MEF2A: variants seen among roughly 807,000 people sequenced by gnomAD.
MEF2A encodes myocyte enhancer factor 2A.
In MEF2A, 28 loss-of-function variants were observed where a neutral mutation model predicts 55.8. That is an observed-to-expected ratio of 0.50 (90% CI 0.37 to 0.69). MEF2A has a LOEUF of 0.69. Among genes scored for constraint, MEF2A ranks in the 30% least tolerant of loss-of-function variants. The pLI is 0.00. For missense variants in MEF2A, 528 were observed against 626.2 expected (o/e 0.84, Z 1.67); for synonymous variants, 239 against 227.1 (o/e 1.05, Z -0.47).
intron 2 of MEF2A, among the ~76,000 whole-genome samples, chr15:99,604,270 C>T (rs1974303887): frequency 6.6e-6 from 1 of 152,052 alleles, no homozygotes; most frequent in African/African-American, 2.4e-5. Context: ...TTTGTTTCCC[C>T]TGTAATTTTA....
intron 5 of MEF2A, 103 bp downstream of exon 5, chr15:99,671,557 C>T (rs1374499801): frequency 1.2e-6 from 2 of 1,612,870 alleles, no homozygotes; most frequent in Non-Finnish European, 1.7e-6. Flanking sequence ...TGCGACAGCC[C>T]AGACCCTGAT....
chr15:99,627,648 T>C (rs2042265600), intron 2 of MEF2A, among the ~76,000 whole-genome samples: 1 of 152,186 alleles, frequency 6.6e-6, no homozygotes, highest in Non-Finnish European at 1.5e-5. Context: ...GAATTACATT[T>C]AGGCATTTTG....
At chr15:99,615,925 G>C (rs1264902638) in intron 2 of MEF2A, among the ~76,000 whole-genome samples, 1 of 152,082 alleles carries the variant, frequency 6.6e-6, no homozygotes. Flanking sequence ...TAAGTGACTT[G>C]GTCAAGATCA....
intron 2 of MEF2A, among the ~76,000 whole-genome samples, chr15:99,602,560 C>G (rs1049229384): frequency 3.9e-5 from 6 of 151,984 alleles, no homozygotes; most frequent in Non-Finnish European, 8.8e-5. Flanking sequence ...GGGAGACTGC[C>G]TTTCACTGGC....
intron 8 of MEF2A, among the ~76,000 whole-genome samples, chr15:99,699,417 G>GT (rs1296452528): frequency 2.6e-5 from 4 of 152,150 alleles, no homozygotes; most frequent in Non-Finnish European, 5.9e-5. Context: ...GACTATAAAG[G>GT]GTTAATAGGG....
intron 4 of MEF2A, among the ~76,000 whole-genome samples, chr15:99,665,683 C>T (rs1328568110): frequency 7.7e-6 from 1 of 130,280 alleles, no homozygotes; most frequent in Non-Finnish European, 1.5e-5. Context: ...GCGATCTATC[C>T]ATCTGACAAA....
At chr15:99,632,125 A>G (rs571215363) in intron 2 of MEF2A, among the ~76,000 whole-genome samples, 2 of 152,338 alleles carry the variant, frequency 1.3e-5, no homozygotes, top group Admixed American at 1.3e-4. Context: ...ACTACACAGA[A>G]TAAATGGAAT....
intron 1 of MEF2A, among the ~76,000 whole-genome samples, chr15:99,587,233 G>A (rs1967636525): frequency 6.6e-6 from 1 of 151,992 alleles, no homozygotes; most frequent in South Asian, 2.1e-4. Flanking sequence ...ACAGGCCCCG[G>A]TGTGTGATGT....
Position 99,706,744 on chromosome 15 carries a change from A to G in MEF2A, c.898A>G (p.Ser300Gly). The change falls in exon 10 of 12, where the codon AGT becomes GGT. Residue 300 changes from serine to glycine, a missense_variant. Physicochemically the swap from Ser to Gly is moderately conservative, Grantham distance 56. Around this residue, in one of 2 missense-constraint regions of MEF2A, gnomAD observed 450 missense variants for 475.3 expected, o/e 0.95. Transcript: ENST00000557942. Reference protein sequence around the residue: ...EELELNTQRISSSQATQPLAT... With the variant: ...EELELNTQRIGSSQATQPLAT... The stretch of plus-strand genomic sequence containing the variant: ...GATCTCACAGAATACCCAGAGGATC[A>G]GTAGTTCTCAAGCCACTCAACCTCT... 1 of 1,613,440 alleles carries G rather than the reference A, an allele frequency of 6.2e-7. No individual in the cohort carries two copies. The highest frequency in any genetic ancestry group is 8.5e-7 in the Non-Finnish European group (1 of 1,179,362).
Position 99,690,270 on chromosome 15 carries a change from C to A in MEF2A, c.700C>A (p.Pro234Thr). Residue 234 changes from proline (P) to threonine (T), a missense_variant, in exon 8 of 12, where the codon CCA becomes ACA. Around this residue, in one of 2 missense-constraint regions of MEF2A, gnomAD observed 450 missense variants for 475.3 expected, o/e 0.95. Transcript: ENST00000557942. ...TGGATTTGTAAACTCAAGAGCTTCT[C>A]CAAATTTGATTGGAGCTACTGGTGC... is the stretch of plus-strand genomic sequence containing the variant. ...GNGFVNSRASPNLIGATGANS... is the reference protein window; with the variant it reads ...GNGFVNSRASTNLIGATGANS... The A allele has an allele frequency of 6.2e-7, 1 of 1,613,682 alleles. No homozygotes were observed. The highest frequency in any genetic ancestry group is 8.5e-7 in the Non-Finnish European group (1 of 1,179,764).
chr15:99,572,645 G>A (rs563259156), intron 1 of MEF2A, among the ~76,000 whole-genome samples: 1 of 152,288 alleles, frequency 6.6e-6, no homozygotes, highest in South Asian at 2.1e-4. Context: ...TTTTGCCAAT[G>A]ATTGGAATGC....
chr15:99,699,424 A>G (rs1455493592), intron 8 of MEF2A, among the ~76,000 whole-genome samples: 1 of 152,182 alleles, frequency 6.6e-6, no homozygotes, highest in Non-Finnish European at 1.5e-5. Context: ...AAGGGTTAAT[A>G]GGGAATTTTT....
rs1377690106 is a variant in MEF2A, at chr15:99,712,220, A to G, written c.1137-170A>G. The stretch of plus-strand genomic sequence containing the variant: ...TTTTCTTTCCTCCTAGGAAGATGGG[A>G]TTTCCTTTTGTGCCAAGCACTGAAG... On this transcript the variant is annotated intron_variant, in intron 11 of 11. Transcript: ENST00000557942. The surrounding 1 kb of genome is among the most constrained non-coding windows in gnomAD (Gnocchi z 4.1). 6.6e-6 allele frequency among the ~76,000 whole-genome samples: 1 copy of G among 152,046 alleles called. No homozygotes were observed. The highest frequency in any genetic ancestry group is 6.6e-5 in the Admixed American group (1 of 15,262).
intron 1 of MEF2A, among the ~76,000 whole-genome samples, chr15:99,569,789 T>G (rs1467612366): frequency 6.6e-6 from 1 of 152,128 alleles, no homozygotes; most frequent in Non-Finnish European, 1.5e-5. Flanking sequence ...TTTAATATTT[T>G]AAAGTAACTT....
chr15:99,672,683 G>C (rs1410875629), intron 5 of MEF2A, among the ~76,000 whole-genome samples: 2 of 152,150 alleles, frequency 1.3e-5, no homozygotes, highest in East Asian at 3.8e-4. Context: ...AAGTGTTTCA[G>C]ATTTGGGATT....
intron 2 of MEF2A, among the ~76,000 whole-genome samples, chr15:99,602,024 C>G (rs1157982884): frequency 6.6e-6 from 1 of 152,092 alleles, no homozygotes; most frequent in African/African-American, 2.4e-5. Context: ...AGCGGTGAAT[C>G]TGCATGGGTC....
intron 4 of MEF2A, among the ~76,000 whole-genome samples, chr15:99,649,691 C>T (rs2046526970): frequency 6.6e-6 from 1 of 152,010 alleles, no homozygotes; most frequent in African/African-American, 2.4e-5. Flanking sequence ...GTGTAGGAAA[C>T]TACAGATGGA....
intron 2 of MEF2A, among the ~76,000 whole-genome samples, chr15:99,600,687 G>A (rs773687215): frequency 2.6e-5 from 4 of 152,014 alleles, no homozygotes; most frequent in Non-Finnish European, 4.4e-5. Context: ...AATTATCATG[G>A]CACCATTGTT....
chr15:99,689,626 G>A (rs1427861491), intron 7 of MEF2A, among the ~76,000 whole-genome samples: 5 of 152,062 alleles, frequency 3.3e-5, no homozygotes, highest in South Asian at 4.1e-4. Context: ...GATCACAGGC[G>A]GGCGCCACCA....
Sources: allele counts gnomAD v4.1 joint callset (sites outside exome capture counted in the v4.1 genomes callset), GRCh38; gene constraint gnomAD v4.1.1; regional missense constraint gnomAD v4.1.1; non-coding constraint Gnocchi (gnomAD v3.1); transcripts MANE v1.5; gene names NCBI Gene and HGNC (gene_info 2026-07-23, HGNC 2026-07-21).